TBX4: variants seen among roughly 807,000 people sequenced by gnomAD.
TBX4 encodes T-box transcription factor 4.
In TBX4, 13 loss-of-function variants were observed where a neutral mutation model predicts 54.6. The observed-to-expected ratio is 0.24, with a 90% CI of 0.15 to 0.38. The LOEUF is 0.38. Among genes scored for constraint, TBX4 ranks in the 10% least tolerant of loss-of-function variants. The pLI, the probability that TBX4 is intolerant of heterozygous loss-of-function variation, is 1.00. For synonymous variants in TBX4, 314 were observed against 306.7 expected (o/e 1.02, Z -0.25); for missense variants, 631 against 728.5 (o/e 0.87, Z 1.54).
Position 61,465,421 on chromosome 17 carries a change from G to C in TBX4, c.282-398G>C, listed in dbSNP as rs1444909968. Among the ~76,000 whole-genome samples, 1 of 152,222 alleles carries C rather than the reference G, an allele frequency of 6.6e-6. No homozygotes were observed. Among genetic ancestry groups the C allele is most frequent in the African/African-American group, 2.4e-5 (1 of 41,448 alleles). ...CTTCACTTGTGTGTGGGCTGGCAAA[G>C]GACAGGAGGGAAATTAAGGCAGCAA... On this transcript the variant is annotated intron_variant, in intron 3 of 8. Coordinates refer to ENST00000644296, the MANE Select transcript of TBX4 (RefSeq NM_001321120.2). The surrounding 1 kb of genome is among the most constrained non-coding windows in gnomAD (Gnocchi z 4.9).
chr17:61,473,891 G>A (rs2060598801), intron 5 of TBX4, among the ~76,000 whole-genome samples: 1 of 152,236 alleles, frequency 6.6e-6, no homozygotes, highest in Non-Finnish European at 1.5e-5. Flanking sequence ...GCAGAAGGCA[G>A]GAAGGTTTGG....
rs1352693015 is a variant in TBX4, at chr17:61,472,198, G to T, written c.549+4541G>T. Among the ~76,000 whole-genome samples, 2 of 152,084 alleles carry T rather than the reference G, an allele frequency of 1.3e-5. No homozygotes were observed. The highest frequency in any genetic ancestry group is 4.8e-5 in the African/African-American group (2 of 41,388). On this transcript the variant is annotated intron_variant, in intron 5 of 8. Coordinates refer to ENST00000644296, the MANE Select transcript of TBX4 (RefSeq NM_001321120.2). The surrounding 1 kb of genome is among the most constrained non-coding windows in gnomAD (Gnocchi z 4.5). ...GCCAAGTATATCTGTGAGATAAATG[G>T]CCTGTTCAAAGGGTACGTGGATTTG...
In TBX4 at chr17:61,478,715, C is replaced by G; in HGVS notation, c.638C>G (p.Ala213Gly). The part of the protein sequence containing the change: ...ENNAFGSKNT[A>G]FCTHVFPETS... ...AATGCTTTCGGCTCCAAAAACACTG[C>G]TTTCTGCACCCACGTGTTCCCAGAG... Residue 213 changes from alanine to glycine, a missense_variant, in exon 6 of 9, where the codon GCT becomes GGT. By Grantham distance (60) the Ala-to-Gly change is moderately conservative. Transcript: ENST00000644296. This position sits in a 1 kb window ranked among gnomAD's most constrained non-coding sequence, Gnocchi z 7.4. 2 of 1,614,220 alleles carry G rather than the reference C, an allele frequency of 1.2e-6. No homozygotes were observed. The highest frequency in any genetic ancestry group is 1.7e-6 in the Non-Finnish European group (2 of 1,180,044).
Position 61,482,938 on chromosome 17 carries a change from T to G in TBX4, c.1063T>G (p.Tyr355Asp), listed in dbSNP as rs1216622953. Residue 355 changes from tyrosine (Y) to aspartate (D), a missense_variant, in exon 9 of 9, where the codon TAT (tyrosine) becomes GAT (aspartate). This residue lies in a region of TBX4 where 354 missense variants were observed against 368.9 expected (regional missense o/e 0.96). Coordinates refer to ENST00000644296, the MANE Select transcript of TBX4 (RefSeq NM_001321120.2). ...CCTGGACTTACCTTGCAAGCGATCC[T>G]ATCTGGAAGCCCCCTCTTCGGTGGG... ...RHLDLPCKRS[Y>D]LEAPSSVGED... 6.2e-7 allele frequency: 1 copy of G among 1,613,972 alleles called. No homozygotes were observed. Among genetic ancestry groups the G allele is most frequent in the Non-Finnish European group, 8.5e-7 (1 of 1,179,956 alleles).
rs745576094 is a variant in TBX4, at chr17:61,480,017, A to C, written c.791+48A>C. The stretch of plus-strand genomic sequence containing the variant: ...TGGGGCGGGCAGATGGGATTCAGGC[A>C]CGTGGCCTCTGTGACCCTCGATGTA... On this transcript the variant is annotated intron_variant, in intron 7 of 8. Transcript: ENST00000644296. The surrounding 1 kb of genome is among the most constrained non-coding windows in gnomAD (Gnocchi z 6.2). 3.7e-6 allele frequency: 6 copies of C among 1,612,576 alleles called. No individual in the cohort carries two copies. The South Asian group carries it at 5.5e-5, about 15-fold the overall frequency.
intron 3 of TBX4, among the ~76,000 whole-genome samples, chr17:61,458,604 G>C (rs9912305): frequency 0.37 from 56,412 of 151,886 alleles, 10,927 homozygotes; most frequent in East Asian, 0.63. Context: ...GGTGAGGGCT[G>C]CAGTTCCAAC....
Position 61,484,676 on chromosome 17 carries a change from G to T in TBX4, c.*1160G>T, listed in dbSNP as rs1205655561. ...CCACCAGGCCATCAGTGTGGCTGGG[G>T]TGAACTCTCCATCAAACTTGGGAAA... On this transcript the variant is annotated 3_prime_UTR_variant, in exon 9 of 9. Coordinates refer to ENST00000644296, the MANE Select transcript of TBX4 (RefSeq NM_001321120.2). The surrounding 1 kb of genome is among the most constrained non-coding windows in gnomAD (Gnocchi z 4.1). 2 of 151,722 alleles carry T rather than the reference G, an allele frequency of 1.3e-5. No homozygotes were observed. Among genetic ancestry groups the T allele is most frequent in the African/African-American group, 2.4e-5 (1 of 41,288 alleles). The allele number at this position is 151,722 out of a possible 1,614,324, so 9.4% of individuals were successfully genotyped here.
Position 61,484,768 on chromosome 17 carries a change from T to C in TBX4, c.*1252T>C, listed in dbSNP as rs1381041298. 2.7e-5 allele frequency: 4 copies of C among 148,174 alleles called. No individual in the cohort carries two copies. The highest frequency in any genetic ancestry group is 6.0e-5 in the Non-Finnish European group (4 of 67,166). The allele number at this position is 148,174 out of a possible 1,614,324, so 9.2% of individuals were successfully genotyped here. On this transcript the variant is annotated 3_prime_UTR_variant, in exon 9 of 9. Transcript: ENST00000644296. This position sits in a 1 kb window ranked among gnomAD's most constrained non-coding sequence, Gnocchi z 4.1. ...TATAAATAAATAAATATATATATTA[T>C]ATATCGCTCTCTCTCACAAATGCAG...
chr17:61,458,241 C>G (rs1257208490), intron 3 of TBX4, among the ~76,000 whole-genome samples: 1 of 140,846 alleles, frequency 7.1e-6, no homozygotes, highest in Admixed American at 7.8e-5. Context: ...TTAAAATGCG[C>G]TGGTGTCTGT....
intron 1 of TBX4, chr17:61,453,024 G>A: frequency 1.0e-6 from 1 of 976,578 alleles, no homozygotes; most frequent in Non-Finnish European, 1.2e-6. Context: ...AGCCTTTGAT[G>A]CAATAGACTA....
rs2060456368 is a variant in TBX4, at chr17:61,457,047, G to A, written c.186+371G>A. ...GGGGGCAGGAGGAGGCCACCCCGCC[G>A]GTGCGCACGGGAGCCGCTGCGGGGA... On this transcript the variant is annotated intron_variant, in intron 2 of 8. Transcript: ENST00000644296. This position sits in a 1 kb window ranked among gnomAD's most constrained non-coding sequence, Gnocchi z 8.2. Among the ~76,000 whole-genome samples, 3 of 152,212 alleles carry A rather than the reference G, an allele frequency of 2.0e-5. No homozygotes were observed.
Position 61,462,568 on chromosome 17 carries a change from C to G in TBX4, c.282-3251C>G, listed in dbSNP as rs1355791222. Among the ~76,000 whole-genome samples the G allele has an allele frequency of 6.1e-5, 9 of 147,582 alleles. No homozygotes were observed. Among genetic ancestry groups the G allele is most frequent in the African/African-American group, 2.0e-4 (8 of 39,566 alleles). ...GGGTGCAGGGAGGGGAGAGGGGGAG[C>G]GCGCAAGGAGGGGGCTGGCTGGGGC... On this transcript the variant is annotated intron_variant, in intron 3 of 8. Transcript: ENST00000644296. The surrounding 1 kb of genome is among the most constrained non-coding windows in gnomAD (Gnocchi z 4.5).
chr17:61,483,544 ACC>A lies in TBX4; in HGVS notation c.*29_*30del, dbSNP rs2060681638. The A allele has an allele frequency of 6.2e-7, 1 of 1,612,956 alleles. No individual in the cohort carries two copies. Among genetic ancestry groups the A allele is most frequent in the Middle Eastern group, 1.7e-4 (1 of 6,048 alleles). ...CTCACGTCTCCTCCATAGCCCCGGG[ACC>A]GTGTTGCTCCAGTATTAACCTCTGT... On this transcript the variant is annotated 3_prime_UTR_variant, in exon 9 of 9. Coordinates refer to ENST00000644296, the MANE Select transcript of TBX4 (RefSeq NM_001321120.2). This position sits in a 1 kb window ranked among gnomAD's most constrained non-coding sequence, Gnocchi z 6.6.
In TBX4 at chr17:61,481,744, TG is replaced by T. The variant is rs2060664622; in HGVS notation, c.1022-1151del. 6.6e-6 allele frequency: 1 copy of T among 152,236 alleles called. No homozygotes were observed. Among genetic ancestry groups the T allele is most frequent in the African/African-American group, 2.4e-5 (1 of 41,322 alleles). 9.4% of individuals were successfully genotyped at this position (152,236 alleles called of 1,614,324 possible). On this transcript the variant is annotated intron_variant, in intron 8 of 8. Coordinates refer to ENST00000644296, the MANE Select transcript of TBX4 (RefSeq NM_001321120.2). The surrounding 1 kb of genome is among the most constrained non-coding windows in gnomAD (Gnocchi z 4.8). ...GGAGGAGGGAGGCCAAGATGAGCCA[TG>T]GATGTGTGGGGTTTTTGTTGTTGTT...
chr17:61,466,133 G>C (rs1168371399), intron 4 of TBX4, among the ~76,000 whole-genome samples, 195 bp downstream of exon 4: 1 of 152,180 alleles, frequency 6.6e-6, no homozygotes, highest in East Asian at 1.9e-4. Context: ...CTTCAGGTGG[G>C]GCTGGGTTTG....
rs555617337 is a variant in TBX4, at chr17:61,470,231, G to A, written c.549+2574G>A. Among the ~76,000 whole-genome samples the A allele has an allele frequency of 1.1e-4, 17 of 152,348 alleles. 1 individual carries two copies. The highest frequency in any genetic ancestry group is 4.1e-4 in the African/African-American group (17 of 41,586). ...CCCATTTCCTCATCCCAGGAGATGAGCAGGGTGGCTCATGTGTCTGCTTGC... is the reference window on the plus strand; with the variant it reads ...CCCATTTCCTCATCCCAGGAGATGAACAGGGTGGCTCATGTGTCTGCTTGC... On this transcript the variant is annotated intron_variant, in intron 5 of 8. Transcript: ENST00000644296.
intron 3 of TBX4, among the ~76,000 whole-genome samples, chr17:61,463,776 A>G (rs1291838323): frequency 6.6e-6 from 1 of 152,224 alleles, no homozygotes; most frequent in Non-Finnish European, 1.5e-5. Context: ...CAGCCCAAGT[A>G]TGGCCAGGGC....
chr17:61,465,860 A>G lies in TBX4; in HGVS notation c.323A>G (p.Asn108Ser), dbSNP rs778236633. The change falls in exon 4 of 9, where the codon AAC becomes AGC. Residue 108 changes from asparagine (N) to serine (S), a missense_variant. Coordinates refer to ENST00000644296, the MANE Select transcript of TBX4 (RefSeq NM_001321120.2). This position sits in a 1 kb window ranked among gnomAD's most constrained non-coding sequence, Gnocchi z 4.9. ...PSYKVKVTGM[N>S]PKTKYILLID... is the part of the protein sequence containing the mutation. Reference sequence around the variant, plus strand: ...TACAAGGTAAAAGTCACAGGCATGAACCCCAAGACCAAGTATATCCTGCTG... The same window carrying G: ...TACAAGGTAAAAGTCACAGGCATGAGCCCCAAGACCAAGTATATCCTGCTG... 2 of 1,614,050 alleles carry G rather than the reference A, an allele frequency of 1.2e-6. No homozygotes were observed. The highest frequency in any genetic ancestry group is 1.7e-6 in the Non-Finnish European group (2 of 1,179,998).
In TBX4 at chr17:61,483,713, G is replaced by C; in HGVS notation, c.*197G>C. ...TCTTCTGACATACAACTGAGGTCAT[G>C]ACAAGGAAAAAAAACACCACATTTA... On this transcript the variant is annotated 3_prime_UTR_variant, in exon 9 of 9. Transcript: ENST00000644296. This position sits in a 1 kb window ranked among gnomAD's most constrained non-coding sequence, Gnocchi z 6.6. 1 of 718,008 alleles carries C rather than the reference G, an allele frequency of 1.4e-6. No individual in the cohort carries two copies. The highest frequency in any genetic ancestry group is 2.3e-6 in the Non-Finnish European group (1 of 440,792). 44.5% of individuals were successfully genotyped at this position (718,008 alleles called of 1,614,324 possible). A position where few individuals can be genotyped will look rare whatever the true frequency, so the allele number is the denominator to read the frequency against.
Sources: allele counts gnomAD v4.1 joint callset (sites outside exome capture counted in the v4.1 genomes callset), GRCh38; gene constraint gnomAD v4.1.1; regional missense constraint gnomAD v4.1.1; non-coding constraint Gnocchi (gnomAD v3.1); transcripts MANE v1.5; gene names NCBI Gene and HGNC (gene_info 2026-07-23, HGNC 2026-07-21).